SOS1: variants seen among roughly 807,000 people sequenced by gnomAD.
SOS1 encodes son of sevenless homolog 1.
In SOS1, 25 loss-of-function variants were observed where a neutral mutation model predicts 157.6. That is an observed-to-expected ratio of 0.16 (90% confidence interval 0.12 to 0.22). SOS1 has a LOEUF of 0.22. Ranked by LOEUF, SOS1 falls within the 10% of genes least tolerant of loss-of-function variation. The pLI is 1.00. For missense variants in SOS1, 1,237 were observed against 1,599.1 expected (o/e 0.77, Z 3.86); for synonymous variants, 528 against 534.0 (o/e 0.99, Z 0.16).
intron 1 of SOS1, among the ~76,000 whole-genome samples, chr2:39,095,929 T>C (rs1028811565): frequency 2.0e-5 from 3 of 152,218 alleles, no homozygotes; most frequent in Admixed American, 6.5e-5. Context: ...TAGTGTTTAA[T>C]AGCATTTTCT....
intron 15 of SOS1, among the ~76,000 whole-genome samples, chr2:39,009,883 CAAAA>C (rs971357412): frequency 6.8e-4 from 103 of 151,574 alleles, no homozygotes; most frequent in African/African-American, 2.3e-3. Flanking sequence ...AAAAGGACCT[CAAAA>C]AAAGTTAATG....
At chr2:39,035,775 C>T (rs1002264273) in intron 6 of SOS1, among the ~76,000 whole-genome samples, 2 of 152,060 alleles carry the variant, frequency 1.3e-5, no homozygotes, top group Non-Finnish European at 2.9e-5. Context: ...CAAACATGGC[C>T]ATAAGAGTGG....
intron 6 of SOS1, among the ~76,000 whole-genome samples, chr2:39,046,890 T>C (rs553116036): frequency 2.6e-5 from 4 of 152,356 alleles, no homozygotes; most frequent in African/African-American, 9.6e-5. Flanking sequence ...CACCATCCAA[T>C]GCATCTTATA....
Position 38,987,606 on chromosome 2 carries a change from AT to A in SOS1, c.3392-16del. 7.9e-7 allele frequency: 1 copy of A among 1,262,630 alleles called. No homozygotes were observed. The highest frequency in any genetic ancestry group is 1.2e-6 in the Non-Finnish European group (1 of 863,010). The allele number at this position is 1,262,630 out of a possible 1,614,324, so 78.2% of individuals were successfully genotyped here. On this transcript the variant is annotated splice_polypyrimidine_tract_variant and intron_variant, in intron 21 of 22. Coordinates refer to ENST00000402219, the MANE Select transcript of SOS1 (RefSeq NM_005633.4). ...AGAAGCAGATCCTGTGGGATGTTAA[AT>A]TTTTAAGAAAAAGTCCACAGGAATT... is the stretch of plus-strand genomic sequence containing the variant.
chr2:39,122,918 T>A (rs1673944169), upstream of SOS1, among the ~76,000 whole-genome samples: 1 of 152,116 alleles, frequency 6.6e-6, no homozygotes, highest in South Asian at 2.1e-4. Flanking sequence ...TGAACCAACA[T>A]CAAGCCTGTA....
intron 19 of SOS1, among the ~76,000 whole-genome samples, chr2:38,996,208 G>A (rs1668885317): frequency 6.6e-6 from 1 of 152,048 alleles, no homozygotes; most frequent in African/African-American, 2.4e-5. Context: ...TTCTGCCTCA[G>A]CCTCCCAAGT....
chr2:38,988,184 A>C (rs924051271), intron 21 of SOS1, among the ~76,000 whole-genome samples: 11 of 152,140 alleles, frequency 7.2e-5, no homozygotes, highest in Non-Finnish European at 1.6e-4. Context: ...GGCTCATTAT[A>C]CTCTAAATCC....
At chr2:39,094,833 G>GCCAC (rs1350296753) in intron 1 of SOS1, among the ~76,000 whole-genome samples, 2 of 152,038 alleles carry the variant, frequency 1.3e-5, no homozygotes, top group Non-Finnish European at 2.9e-5. Context: ...AAATAACTTA[G>GCCAC]CCACATACAG....
chr2:39,081,351 C>G (rs1672195087), intron 1 of SOS1, among the ~76,000 whole-genome samples: 1 of 151,906 alleles, frequency 6.6e-6, no homozygotes, highest in South Asian at 2.1e-4. Context: ...GAAACCCCGT[C>G]TCTAATAAAA....
chr2:39,076,217 A>G (rs1671992318), intron 1 of SOS1, among the ~76,000 whole-genome samples: 3 of 152,232 alleles, frequency 2.0e-5, no homozygotes, highest in South Asian at 2.1e-4. Flanking sequence ...CTGGGTAACA[A>G]GGCAAAAACC....
chr2:38,995,083 C>G (rs1668847322), intron 20 of SOS1, 40 bp downstream of exon 20: 1 of 1,580,366 alleles, frequency 6.3e-7, no homozygotes, highest in African/African-American at 1.3e-5. Flanking sequence ...ATGTATAGTA[C>G]TAACAAATAC....
chr2:39,034,745 T>C (rs552412807), intron 8 of SOS1: 356 of 454,152 alleles, frequency 7.8e-4, no homozygotes, highest in Non-Finnish European at 1.4e-3. Flanking sequence ...GTTGCAAACT[T>C]GAGCTATGAA....
chr2:39,123,906 T>C (rs2148248926), upstream of SOS1, among the ~76,000 whole-genome samples: 1 of 152,298 alleles, frequency 6.6e-6, no homozygotes, highest in South Asian at 2.1e-4. Context: ...AAGATCCCCT[T>C]CAACTCCGAA....
chr2:39,062,312 G>A (rs939764259), intron 2 of SOS1, among the ~76,000 whole-genome samples: 5 of 151,692 alleles, frequency 3.3e-5, no homozygotes, highest in Non-Finnish European at 5.9e-5. Flanking sequence ...CAGCTACTCA[G>A]GAGGCTGAGG....
chr2:39,067,716 T>G lies in SOS1; in HGVS notation c.125A>C (p.Asp42Ala). The G allele has an allele frequency of 6.2e-7, 1 of 1,612,534 alleles. No homozygotes were observed. The highest frequency in any genetic ancestry group is 8.5e-7 in the Non-Finnish European group (1 of 1,178,516). ...TTCTTCAACATACTGAAGAGCATCA[T>G]CATTAGACTCGAGAGTAGGATGAAC... ...GQVHPTLESN[D>A]DALQYVEELI... is the part of the protein sequence containing the mutation. The change falls in exon 2 of 23, where the codon GAT becomes GCT. Residue 42 changes from aspartate to alanine, a missense_variant. Physicochemically the swap from Asp to Ala is moderately radical, Grantham distance 126. Transcript: ENST00000402219.
chr2:39,089,965 A>G (rs1056646400), intron 1 of SOS1, among the ~76,000 whole-genome samples: 4 of 72,430 alleles, frequency 5.5e-5, no homozygotes, highest in Non-Finnish European at 1.5e-4. Context: ...CGTCTCTACT[A>G]AAAATACAAA....
intron 1 of SOS1, among the ~76,000 whole-genome samples, chr2:39,092,669 T>A (rs1050021648): frequency 1.3e-5 from 2 of 152,150 alleles, no homozygotes; most frequent in African/African-American, 4.8e-5. Context: ...TGTTGGTGGG[T>A]TGAATGAATA....
chr2:39,085,503 T>C (rs1672339783), intron 1 of SOS1, among the ~76,000 whole-genome samples: 1 of 152,272 alleles, frequency 6.6e-6, no homozygotes, highest in Admixed American at 6.5e-5. Flanking sequence ...GTCTTTCTAC[T>C]ATCTTCACCA....
intron 1 of SOS1, among the ~76,000 whole-genome samples, chr2:39,070,642 A>C (rs568071386): frequency 1.3e-5 from 2 of 152,138 alleles, no homozygotes; most frequent in Non-Finnish European, 2.9e-5. Context: ...CAAAATCTCA[A>C]ACTTAACATG....
Sources: allele counts gnomAD v4.1 joint callset (sites outside exome capture counted in the v4.1 genomes callset), GRCh38; gene constraint gnomAD v4.1.1; transcripts MANE v1.5; gene names NCBI Gene and HGNC (gene_info 2026-07-23, HGNC 2026-07-21).